The following FNDC7 variants were observed in gnomAD, a reference collection of about 807,000 sequenced individuals.
The protein encoded by FNDC7 is fibronectin type III domain containing 7, also known as fibronectin type III domain-containing protein 7.
A neutral mutation model predicts 74.2 loss-of-function variants in FNDC7; 66 were observed. The ratio of observed to expected loss-of-function variants is 0.89; its 90% CI spans 0.73 to 1.09. The LOEUF is 1.09. FNDC7 is among the 50% of genes least tolerant of loss of function. The pLI is 0.00. For missense variants in FNDC7, 829 were observed against 893.4 expected (o/e 0.93, Z 0.92); for synonymous variants, 307 against 330.2 (o/e 0.93, Z 0.76).
intron 5 of FNDC7, among the ~76,000 whole-genome samples, chr1:108,725,443 T>C (rs1381257629): frequency 6.6e-6 from 1 of 152,232 alleles, no homozygotes; most frequent in East Asian, 1.9e-4. Context: ...GATGAAAATT[T>C]GTATGTCTTA....
chr1:108,725,572 C>T (rs1405929936), intron 5 of FNDC7, among the ~76,000 whole-genome samples, 178 bp from the exon 6 acceptor site: 2 of 152,276 alleles, frequency 1.3e-5, no homozygotes, highest in East Asian at 3.9e-4. Context: ...AGCCTTTGGT[C>T]CTATAAAGAA....
intron 10 of FNDC7, among the ~76,000 whole-genome samples, chr1:108,737,004 G>T (rs1661532142): frequency 1.7e-5 from 2 of 114,796 alleles, no homozygotes; most frequent in African/African-American, 3.5e-5. Context: ...GCCTTGCTCT[G>T]TCACCCAGGC....
intron 2 of FNDC7, among the ~76,000 whole-genome samples, chr1:108,716,987 A>G (rs1344216157): frequency 1.3e-5 from 2 of 152,138 alleles, no homozygotes; most frequent in African/African-American, 2.4e-5. Context: ...ACTGTGCTGT[A>G]TCTCCTACTC....
At chr1:108,717,039 A>G (rs2101076679) in intron 2 of FNDC7, among the ~76,000 whole-genome samples, 1 of 152,314 alleles carries the variant, frequency 6.6e-6, no homozygotes, top group African/African-American at 2.4e-5. Flanking sequence ...AGCCCATGAC[A>G]TAAGCATTCA....
chr1:108,737,687 G>T (rs1318725179), intron 11 of FNDC7, among the ~76,000 whole-genome samples, 163 bp downstream of exon 11: 1 of 152,104 alleles, frequency 6.6e-6, no homozygotes, highest in Non-Finnish European at 1.5e-5. Context: ...CCATTATAGT[G>T]CCTCCTCTGA....
Position 108,727,926 on chromosome 1 carries a change from C to T in FNDC7, c.1230C>T (p.Asn410=), listed in dbSNP as rs571443285. The change falls in exon 7 of 13, where the codon AAC becomes AAT. Residue 410 remains asparagine, a synonymous_variant. Transcript: ENST00000370017. ...AAACCAAGGCTGTAGATGGGTACAA[C>T]ATGGTTGAGTGCAATGACACTACTC... ...LYETKAVDGY[N]MVECNDTTPA... is the part of the protein sequence containing the mutation. 6.2e-7 allele frequency: 1 copy of T among 1,614,184 alleles called. No homozygotes were observed. Among genetic ancestry groups the T allele is most frequent in the African/African-American group, 1.3e-5 (1 of 75,054 alleles).
At chr1:108,727,381 CT>C (rs1557790150) in intron 6 of FNDC7, among the ~76,000 whole-genome samples, 2 of 152,118 alleles carry the variant, frequency 1.3e-5, no homozygotes, top group African/African-American at 4.8e-5. Context: ...ACTGTGAGCC[CT>C]ACCCCCCAGT....
At chr1:108,723,222 G>T (rs3006869) in intron 5 of FNDC7, among the ~76,000 whole-genome samples, 19,543 of 152,108 alleles carry the variant, frequency 0.13, 1,775 homozygotes, top group African/African-American at 0.26. Flanking sequence ...ACTCAGTGAG[G>T]TGGGTTCTAT....
chr1:108,719,745 TGAGAGAGA>T (rs67387432), intron 4 of FNDC7, among the ~76,000 whole-genome samples: 21,875 of 147,972 alleles, frequency 0.15, 1,619 homozygotes, highest in Middle Eastern at 0.17. Context: ...GCCAAGCGAA[TGAGAGAGA>T]GAGAGAGAGA....
chr1:108,733,810 C>G (rs1661451017), intron 10 of FNDC7, among the ~76,000 whole-genome samples: 2 of 152,028 alleles, frequency 1.3e-5, no homozygotes, highest in Admixed American at 6.5e-5. Context: ...GGCATCATAC[C>G]TGAGTAATTT....
intron 5 of FNDC7, among the ~76,000 whole-genome samples, chr1:108,725,445 T>C (rs1661186886): frequency 1.3e-5 from 2 of 152,244 alleles, no homozygotes; most frequent in Admixed American, 6.5e-5. Context: ...TGAAAATTTG[T>C]ATGTCTTAAG....
intron 9 of FNDC7, 103 bp downstream of exon 9, chr1:108,731,031 G>T: frequency 7.7e-7 from 1 of 1,292,426 alleles, no homozygotes; most frequent in Non-Finnish European, 1.0e-6. Context: ...TCTCCACCTA[G>T]TTTGCATTAT....
In FNDC7 at chr1:108,718,875, T is replaced by C; in HGVS notation, c.424T>C (p.Phe142Leu). 3.9e-6 allele frequency: 6 copies of C among 1,551,746 alleles called. No homozygotes were observed. Among genetic ancestry groups the C allele is most frequent in the Non-Finnish European group, 4.4e-6 (5 of 1,146,998 alleles). ...QWEAVYMAIA[F>L]SVSIMRANGL... ...GGAAGCTGTATATATGGCAATTGCATTCTCCGTGTCCATTATGCGAGCCAA... is the reference window on the plus strand; with the variant it reads ...GGAAGCTGTATATATGGCAATTGCACTCTCCGTGTCCATTATGCGAGCCAA... Residue 142 changes from phenylalanine to leucine, a missense_variant, in exon 4 of 13, where the codon TTC (phenylalanine) becomes CTC (leucine). By Grantham distance (22) the Phe-to-Leu change is conservative. Transcript: ENST00000370017.
chr1:108,715,909 C>T (rs1427062384), intron 2 of FNDC7, among the ~76,000 whole-genome samples: 1 of 152,140 alleles, frequency 6.6e-6, no homozygotes, highest in East Asian at 1.9e-4. Context: ...CTCCTGAATC[C>T]AAACCCTTTG....
At chr1:108,723,231 A>C (rs1362886017) in intron 5 of FNDC7, among the ~76,000 whole-genome samples, 1 of 152,028 alleles carries the variant, frequency 6.6e-6, no homozygotes, top group Non-Finnish European at 1.5e-5. Flanking sequence ...GGTGGGTTCT[A>C]TTTTCTCTTT....
At chr1:108,741,210 GA>G (rs911998107) in intron 11 of FNDC7, among the ~76,000 whole-genome samples, 31 of 148,672 alleles carry the variant, frequency 2.1e-4, no homozygotes, top group African/African-American at 5.4e-4. Flanking sequence ...GAAGGGAAAG[GA>G]AAAAAAAAAC....
Position 108,722,434 on chromosome 1 carries a change from T to G in FNDC7, c.698T>G (p.Val233Gly), listed in dbSNP as rs371828658. ...GCAGAAGGAGCTTTCAATTATACTG[T>G]GATGGCTTTGAGCGACTCTTCAGAG... Reference protein sequence around the residue: ...ARAEGAFNYTVMALSDSSELT... With the variant: ...ARAEGAFNYTGMALSDSSELT... The change falls in exon 5 of 13, where the codon GTG (valine) becomes GGG (glycine). Residue 233 changes from valine to glycine, a missense_variant. By Grantham distance (109) the Val-to-Gly change is moderately radical. Transcript: ENST00000370017. 1.5e-5 allele frequency: 25 copies of G among 1,614,250 alleles called. No homozygotes were observed. In the African/African-American group the frequency reaches 3.2e-4, roughly 21 times the overall value.
At chr1:108,734,012 T>C (rs929449448) in intron 10 of FNDC7, among the ~76,000 whole-genome samples, 4 of 152,212 alleles carry the variant, frequency 2.6e-5, no homozygotes, top group African/African-American at 7.2e-5. Context: ...CAAGATTCTT[T>C]GGAATTGTGA....
intron 9 of FNDC7, among the ~76,000 whole-genome samples, chr1:108,733,011 C>T (rs1000439215): frequency 1.3e-5 from 2 of 149,272 alleles, no homozygotes; most frequent in South Asian, 2.1e-4. Flanking sequence ...TGGGCTTAAG[C>T]GATCCTCCTG....
Sources: gnomAD v4.1 joint callset for allele counts (sites outside exome capture counted in the v4.1 genomes callset) on GRCh38, gnomAD v4.1.1 for gene constraint, MANE v1.5 for transcripts, NCBI Gene and HGNC (gene_info 2026-07-23, HGNC 2026-07-21) for gene names.